Variants in NACC2 observed in about 807,000 individuals in gnomAD.
The protein encoded by NACC2 is nucleus accumbens-associated protein 2.
A neutral mutation model predicts 25.1 loss-of-function variants in NACC2; 8 were observed. The ratio of observed to expected loss-of-function variants is 0.32; its 90% CI spans 0.19 to 0.57. The LOEUF (loss-of-function observed/expected upper bound fraction) is 0.57, where lower values mean the gene tolerates loss of function less well. Ranked by LOEUF, NACC2 falls within the 20% of genes least tolerant of loss-of-function variation. The pLI is 0.89. For synonymous variants in NACC2, 435 were observed against 294.7 expected (o/e 1.48, Z -4.88); for missense variants, 644 against 650.2 (o/e 0.99, Z 0.10).
chr9:136,094,664 G>T (rs1042978736), intron 1 of NACC2, among the ~76,000 whole-genome samples: 12 of 152,190 alleles, frequency 7.9e-5, no homozygotes, highest in African/African-American at 2.9e-4. Flanking sequence ...ACCCACGAAC[G>T]GGCCCACCTG....
At chr9:136,090,424 ACAC>A (rs945157904) in intron 1 of NACC2, among the ~76,000 whole-genome samples, 13 of 152,236 alleles carry the variant, frequency 8.5e-5, no homozygotes, top group African/African-American at 2.4e-4. Context: ...CCTCCAGAAA[ACAC>A]CAGCCCACTG....
At chr9:136,040,160 A>G (rs1388637441) in intron 2 of NACC2, among the ~76,000 whole-genome samples, 2 of 152,130 alleles carry the variant, frequency 1.3e-5, no homozygotes, top group African/African-American at 4.8e-5. Context: ...CCTGGCTAAC[A>G]TGGTGAAATC....
rs921620667 is a variant in NACC2, at chr9:136,018,670, C to T, written c.887-2241G>A. Among the ~76,000 whole-genome samples the T allele has an allele frequency of 6.6e-6, 1 of 152,066 alleles. No individual in the cohort carries two copies. Among genetic ancestry groups the T allele is most frequent in the Admixed American group, 6.5e-5 (1 of 15,278 alleles). On this transcript the variant is annotated intron_variant, in intron 2 of 5. Transcript: ENST00000277554. The surrounding 1 kb of genome is among the most constrained non-coding windows in gnomAD (Gnocchi z 4.4). ...GGGGGCCTCAAAGGTGGGTGCACAGCCCCTGCCCGGCCACTACAGGGGTCA... is the reference window on the plus strand; with the variant it reads ...GGGGGCCTCAAAGGTGGGTGCACAGTCCCTGCCCGGCCACTACAGGGGTCA...
chr9:136,062,673 G>A (rs150315783), intron 1 of NACC2, among the ~76,000 whole-genome samples: 3 of 152,332 alleles, frequency 2.0e-5, no homozygotes, highest in Admixed American at 2.0e-4. Flanking sequence ...CCAACATTTT[G>A]GGAGGTCAGC....
chr9:136,063,898 C>A (rs1314371994), intron 1 of NACC2, among the ~76,000 whole-genome samples: 126 of 132,146 alleles, frequency 9.5e-4, no homozygotes, highest in Non-Finnish European at 1.4e-3. Context: ...AAAAAAAAAA[C>A]AAAAAAAACA....
intron 2 of NACC2, among the ~76,000 whole-genome samples, chr9:136,047,075 C>CTCAGCCTG (rs1318173234): frequency 6.6e-6 from 1 of 152,150 alleles, no homozygotes; most frequent in Non-Finnish European, 1.5e-5. Flanking sequence ...GGAGGAGGAG[C>CTCAGCCTG]TCAGCCTGCA....
At chr9:136,088,973 T>A (rs1453465965) in intron 1 of NACC2, among the ~76,000 whole-genome samples, 1 of 152,260 alleles carries the variant, frequency 6.6e-6, no homozygotes, top group Admixed American at 6.5e-5. Context: ...CGGCATCGCG[T>A]GGAGCGGCTG....
At chr9:136,039,848 A>T (rs1251089053) in intron 2 of NACC2, among the ~76,000 whole-genome samples, 1 of 152,172 alleles carries the variant, frequency 6.6e-6, no homozygotes, top group Non-Finnish European at 1.5e-5. Context: ...GAGCATGGCA[A>T]AGAGATGTTT....
chr9:136,067,049 G>A lies in NACC2; in HGVS notation c.-59-16469C>T, dbSNP rs144639006. 6.4e-3 allele frequency among the ~76,000 whole-genome samples: 971 copies of A among 152,098 alleles called. 13 individuals are homozygous for A. The highest frequency in any genetic ancestry group is 0.021 in the African/African-American group (887 of 41,494). On this transcript the variant is annotated intron_variant, in intron 1 of 5. Transcript: ENST00000277554. ...GCGGATCACCTGAGGTCGGGAGTTC[G>A]AGACCAGCCTCGGCAAGCAACATGT... is the stretch of plus-strand genomic sequence containing the variant.
chr9:136,040,695 C>G (rs1175200315), intron 2 of NACC2, among the ~76,000 whole-genome samples: 1 of 152,252 alleles, frequency 6.6e-6, no homozygotes, highest in African/African-American at 2.4e-5. Flanking sequence ...CGCAGTGGCT[C>G]ACACCTATAA....
intron 1 of NACC2, among the ~76,000 whole-genome samples, chr9:136,051,044 A>AG (rs1390318026): frequency 7.9e-5 from 12 of 152,000 alleles, no homozygotes; most frequent in South Asian, 2.1e-4. Flanking sequence ...GGAGGGAGGG[A>AG]GGGGGGTCTC....
chr9:136,050,680 A>C (rs1180476664), intron 1 of NACC2, 100 bp from the exon 2 acceptor site: 2 of 637,478 alleles, frequency 3.1e-6, no homozygotes, highest in Non-Finnish European at 5.6e-6. Flanking sequence ...GGGCTTACAA[A>C]GAGCGAGCCT....
At chr9:136,012,387 C>T (rs1426823856) in intron 5 of NACC2, among the ~76,000 whole-genome samples, 1 of 152,258 alleles carries the variant, frequency 6.6e-6, no homozygotes, top group African/African-American at 2.4e-5. Context: ...CACACCCCTC[C>T]CCGTCCCAGT....
At chr9:136,078,359 G>C (rs1243123527) in intron 1 of NACC2, among the ~76,000 whole-genome samples, 1 of 152,180 alleles carries the variant, frequency 6.6e-6, no homozygotes, top group African/African-American at 2.4e-5. Context: ...CTGGGGGCAG[G>C]TTCTCCAAAT....
intron 1 of NACC2, among the ~76,000 whole-genome samples, chr9:136,054,127 C>T (rs961005056): frequency 3.9e-5 from 6 of 152,234 alleles, no homozygotes; most frequent in Non-Finnish European, 7.3e-5. Context: ...CACAGAAAGC[C>T]GGTGATGCCT....
In NACC2 at chr9:136,009,949, G is replaced by A. The variant is rs1390624790; in HGVS notation, c.*1567C>T. 6.6e-6 allele frequency: 1 copy of A among 152,202 alleles called. No individual in the cohort carries two copies. Among genetic ancestry groups the A allele is most frequent in the Non-Finnish European group, 1.5e-5 (1 of 68,096 alleles). 9.4% of individuals were successfully genotyped at this position (152,202 alleles called of 1,614,324 possible). A position where few individuals can be genotyped will look rare whatever the true frequency, so the allele number is the denominator to read the frequency against. On this transcript the variant is annotated 3_prime_UTR_variant, in exon 6 of 6. Transcript: ENST00000277554. ...CAACAGACATTTCAAGTCTTGGGATGGGGGGTTCTTCTGGCCACACCTGGG... is the reference window on the plus strand; with the variant it reads ...CAACAGACATTTCAAGTCTTGGGATAGGGGGTTCTTCTGGCCACACCTGGG...
At chr9:136,037,808 C>T (rs1840576018) in intron 2 of NACC2, among the ~76,000 whole-genome samples, 1 of 151,942 alleles carries the variant, frequency 6.6e-6, no homozygotes, top group South Asian at 2.1e-4. Context: ...TGTGCTTGGC[C>T]AAGTTTTCAT....
intron 1 of NACC2, among the ~76,000 whole-genome samples, chr9:136,053,034 G>A (rs1414977676): frequency 6.6e-6 from 1 of 152,246 alleles, no homozygotes; most frequent in African/African-American, 2.4e-5. Context: ...CAAAAGAAGG[G>A]GCAGGGTCCA....
chr9:136,083,948 A>C (rs369052213), intron 1 of NACC2, among the ~76,000 whole-genome samples: 1 of 152,036 alleles, frequency 6.6e-6, no homozygotes, highest in South Asian at 2.1e-4. Flanking sequence ...AAAGCTGAGA[A>C]AGCCTCTCCG....
Sources: gnomAD v4.1 joint callset for allele counts (sites outside exome capture counted in the v4.1 genomes callset) on GRCh38, gnomAD v4.1.1 for gene constraint, Gnocchi (gnomAD v3.1) non-coding constraint, MANE v1.5 for transcripts, NCBI Gene and HGNC (gene_info 2026-07-23, HGNC 2026-07-21) for gene names.